The following TENM2 variants were observed in gnomAD, a reference collection of about 807,000 sequenced individuals.
TENM2 encodes the protein teneurin transmembrane protein 2, also known as teneurin-2.
Under a neutral mutation model 245.2 loss-of-function variants are expected in TENM2, and 52 were observed. That is an observed-to-expected ratio of 0.21 (90% CI 0.17 to 0.27). The LOEUF (loss-of-function observed/expected upper bound fraction) is 0.27. Among genes scored for constraint, TENM2 ranks in the 10% least tolerant of loss-of-function variants. The probability of loss-of-function intolerance (pLI) is 1.00; values close to 1 mark genes in which losing one functional copy is unlikely to be tolerated. For synonymous variants in TENM2, 1,363 were observed against 1,438.9 expected (o/e 0.95, Z 1.19); for missense variants, 3,046 against 3,666.8 (o/e 0.83, Z 4.37).
intron 3 of TENM2, among the ~76,000 whole-genome samples, chr5:167,895,248 T>C (rs1451502111): frequency 6.6e-6 from 1 of 151,988 alleles, no homozygotes; most frequent in Non-Finnish European, 1.5e-5. Flanking sequence ...CTCTTCCTCC[T>C]CTCCTTCCTT....
chr5:167,078,116 G>C, the TENM2 span, among the ~76,000 whole-genome samples: 7 of 152,046 alleles, frequency 4.6e-5, no homozygotes, highest in Non-Finnish European at 8.8e-5. Context: ...AAGGATTATA[G>C]TTAAGGTCAA....
At chr5:168,027,924 G>T (rs1320409615) in intron 5 of TENM2, among the ~76,000 whole-genome samples, 5 of 152,168 alleles carry the variant, frequency 3.3e-5, no homozygotes. Context: ...TCCACCTATT[G>T]CTTTGTGTAA....
chr5:168,077,821 C>G (rs1305607408), intron 7 of TENM2, among the ~76,000 whole-genome samples: 2 of 152,166 alleles, frequency 1.3e-5, no homozygotes, highest in Non-Finnish European at 2.9e-5. Context: ...TTAAACCAGT[C>G]TATCATTGAT....
chr5:167,721,977 GCT>G (rs1759660217), intron 2 of TENM2, among the ~76,000 whole-genome samples: 1 of 152,292 alleles, frequency 6.6e-6, no homozygotes, highest in South Asian at 2.1e-4. Context: ...GAAATCCTCA[GCT>G]CTGTTTCCTT....
At chr5:167,868,856 T>C (rs1348652873) in intron 2 of TENM2, among the ~76,000 whole-genome samples, 1 of 152,002 alleles carries the variant, frequency 6.6e-6, no homozygotes, top group Non-Finnish European at 1.5e-5. Context: ...ACACAGCAGG[T>C]GCTTGTGAAC....
chr5:167,387,048 A>G (rs1168324407), intron 2 of TENM2, among the ~76,000 whole-genome samples: 2 of 152,102 alleles, frequency 1.3e-5, no homozygotes, highest in Non-Finnish European at 2.9e-5. Context: ...GTGAAGAATC[A>G]TGGTGATATT....
chr5:167,562,767 G>C (rs1010628940), intron 2 of TENM2, among the ~76,000 whole-genome samples: 3 of 151,898 alleles, frequency 2.0e-5, no homozygotes, highest in African/African-American at 7.3e-5. Context: ...GACCAGCCTG[G>C]CCAACACGGT....
chr5:168,146,145 C>T (rs1308004875), intron 12 of TENM2, among the ~76,000 whole-genome samples: 1 of 151,812 alleles, frequency 6.6e-6, no homozygotes, highest in Non-Finnish European at 1.5e-5. Flanking sequence ...ATTTGACTTC[C>T]TCTTTTCCTA....
chr5:167,821,967 G>A (rs538271168), intron 2 of TENM2, among the ~76,000 whole-genome samples: 1 of 152,174 alleles, frequency 6.6e-6, no homozygotes, highest in South Asian at 2.1e-4. Flanking sequence ...GTCTTGTGAA[G>A]GAAAAGTTTT....
At chr5:167,459,966 CATAT>C (rs796287015) in intron 2 of TENM2, among the ~76,000 whole-genome samples, 4 of 151,526 alleles carry the variant, frequency 2.6e-5, no homozygotes, top group African/African-American at 9.7e-5. Flanking sequence ...CACTCAAACG[CATAT>C]ATATATACAA....
chr5:167,006,281 T>TAGAAG, the TENM2 span, among the ~76,000 whole-genome samples: 2 of 152,220 alleles, frequency 1.3e-5, no homozygotes, highest in African/African-American at 4.8e-5. Context: ...AGTTCAACAG[T>TAGAAG]AGAAGAGAAT....
chr5:167,845,926 C>T (rs1033528888), intron 2 of TENM2, among the ~76,000 whole-genome samples: 7 of 152,170 alleles, frequency 4.6e-5, no homozygotes, highest in Non-Finnish European at 8.8e-5. Flanking sequence ...CCTACAGTGA[C>T]CTTTCCACTT....
chr5:167,080,970 T>C, the TENM2 span, among the ~76,000 whole-genome samples: 3 of 151,996 alleles, frequency 2.0e-5, no homozygotes, highest in African/African-American at 7.2e-5. Flanking sequence ...TCCTATGCTA[T>C]TTTTTTAGTA....
chr5:167,469,467 C>A (rs898284963), intron 2 of TENM2, among the ~76,000 whole-genome samples: 2 of 152,172 alleles, frequency 1.3e-5, no homozygotes, highest in South Asian at 2.1e-4. Flanking sequence ...ATGTTAGACA[C>A]AACTCTGGAT....
the TENM2 span, among the ~76,000 whole-genome samples, chr5:167,103,343 C>G: frequency 3.1e-3 from 473 of 152,196 alleles, 1 homozygote; most frequent in Non-Finnish European, 5.8e-3. Context: ...GTCAGCTTTC[C>G]CAATGGACTT....
chr5:167,865,106 T>G (rs1772190635), intron 2 of TENM2, among the ~76,000 whole-genome samples: 1 of 152,218 alleles, frequency 6.6e-6, no homozygotes, highest in Non-Finnish European at 1.5e-5. Context: ...ATGTATCTTC[T>G]GCATATTACT....
At chr5:167,626,607 T>A (rs543119923) in intron 2 of TENM2, among the ~76,000 whole-genome samples, 1 of 152,324 alleles carries the variant, frequency 6.6e-6, no homozygotes, top group Admixed American at 6.5e-5. Context: ...AGGGAATGGA[T>A]CCCTGGGAAT....
At chr5:167,259,267 G>C in the TENM2 span, among the ~76,000 whole-genome samples, 3 of 152,164 alleles carry the variant, frequency 2.0e-5, no homozygotes, top group Non-Finnish European at 4.4e-5. Context: ...GAAGATGAGA[G>C]ATCTGGAGAC....
chr5:167,542,656 G>C (rs948494050), intron 2 of TENM2, among the ~76,000 whole-genome samples: 1 of 152,094 alleles, frequency 6.6e-6, no homozygotes, highest in Non-Finnish European at 1.5e-5. Context: ...CATACATAAA[G>C]GCATCTCTCA....
Sources: allele counts gnomAD v4.1 joint callset (sites outside exome capture counted in the v4.1 genomes callset), GRCh38; gene constraint gnomAD v4.1.1; transcripts MANE v1.5; gene names NCBI Gene and HGNC (gene_info 2026-07-23, HGNC 2026-07-21).